Variants in C3orf70 observed in about 807,000 individuals in gnomAD.
The protein encoded by C3orf70 is chromosome 3 open reading frame 70.
C3orf70 carries 15 observed loss-of-function variants against 20.7 expected under a neutral mutation model. The observed-to-expected ratio is 0.72, with a 90% CI of 0.48 to 1.11. The LOEUF (loss-of-function observed/expected upper bound fraction) is 1.11, where lower values mean the gene tolerates loss of function less well. Ranked by LOEUF, C3orf70 falls within the 50% of genes most tolerant of loss-of-function variation. The pLI is 0.00. For synonymous variants in C3orf70, 161 were observed against 125.7 expected (o/e 1.28, Z -1.88); for missense variants, 332 against 317.6 (o/e 1.05, Z -0.34).
chr3:185,098,657 G>A (rs1715759382), intron 1 of C3orf70, among the ~76,000 whole-genome samples: 1 of 152,166 alleles, frequency 6.6e-6, no homozygotes, highest in African/African-American at 2.4e-5. Flanking sequence ...CATACTGTCT[G>A]AGAACTAATT....
chr3:185,110,191 A>C (rs1263118136), intron 1 of C3orf70, among the ~76,000 whole-genome samples: 2 of 152,244 alleles, frequency 1.3e-5, no homozygotes, highest in Non-Finnish European at 2.9e-5. Context: ...ATAAGATCAA[A>C]ATTTGGTAAA....
chr3:185,086,098 A>G lies in C3orf70; in HGVS notation c.197-2535T>C, dbSNP rs564238694. Among the ~76,000 whole-genome samples the G allele has an allele frequency of 3.3e-5, 5 of 152,298 alleles. No individual in the cohort carries two copies. In the South Asian group the frequency reaches 1.0e-3, roughly 32 times the overall value. On this transcript the variant is annotated intron_variant, in intron 1 of 1. Transcript: ENST00000335012. Reference sequence around the variant, plus strand: ...TCGTAGTTGATTCATGCCTTCCAGAACCATCCTCAGATCCAGAGGGAACAA... The same window carrying G: ...TCGTAGTTGATTCATGCCTTCCAGAGCCATCCTCAGATCCAGAGGGAACAA...
chr3:185,092,170 C>T (rs1715605531), intron 1 of C3orf70, among the ~76,000 whole-genome samples: 2 of 151,652 alleles, frequency 1.3e-5, no homozygotes, highest in Admixed American at 6.6e-5. Flanking sequence ...ATGATATCTA[C>T]TTCAGAAGGT....
rs140662239 is a variant in C3orf70, at chr3:185,126,799, C to T, written c.196+25829G>A. On this transcript the variant is annotated intron_variant, in intron 1 of 1. Coordinates refer to ENST00000335012, the MANE Select transcript of C3orf70 (RefSeq NM_001025266.3). ...CACATGGCCCTTCTAAGAGTGGGAC[C>T]TCTCCAATCGCACAGTTGTATGGCC... Among the ~76,000 whole-genome samples, 1,026 of 152,302 alleles carry T rather than the reference C, an allele frequency of 6.7e-3. 5 individuals carry two copies. Among genetic ancestry groups the T allele is most frequent in the Non-Finnish European group, 0.01 (707 of 68,026 alleles).
chr3:185,119,328 T>C (rs1351403353), intron 1 of C3orf70, among the ~76,000 whole-genome samples: 1 of 152,162 alleles, frequency 6.6e-6, no homozygotes, highest in South Asian at 2.1e-4. Flanking sequence ...CTATAGTTAA[T>C]AATAATATGT....
intron 1 of C3orf70, among the ~76,000 whole-genome samples, chr3:185,128,526 GA>G (rs779479424): frequency 0.026 from 3,245 of 123,490 alleles, 116 homozygotes; most frequent in African/African-American, 0.091. Flanking sequence ...GACTGTTTCG[GA>G]AAAAAAAAAA....
Position 185,083,195 on chromosome 3 carries a change from C to G in C3orf70, c.565G>C (p.Asp189His). The G allele has an allele frequency of 1.9e-6, 3 of 1,614,164 alleles. No homozygotes were observed. Among genetic ancestry groups the G allele is most frequent in the Non-Finnish European group, 2.5e-6 (3 of 1,180,038 alleles). Residue 189 changes from aspartate (D) to histidine (H), a missense_variant, in exon 2 of 2, where the codon GAC becomes CAC. Coordinates refer to ENST00000335012, the MANE Select transcript of C3orf70 (RefSeq NM_001025266.3). Reference sequence around the variant, plus strand: ...GCCCCAATCGCATTGATCCCAGAGTCCTCAGAACTTGAGGGAGAAGAGCAG... The same window carrying G: ...GCCCCAATCGCATTGATCCCAGAGTGCTCAGAACTTGAGGGAGAAGAGCAG... ...DHCSSPSSSE[D>H]SGINAIGAHY...
At chr3:185,093,044 A>G (rs1051045224) in intron 1 of C3orf70, among the ~76,000 whole-genome samples, 3 of 151,946 alleles carry the variant, frequency 2.0e-5, no homozygotes, top group Non-Finnish European at 2.9e-5. Context: ...AGTATCCCTT[A>G]TCTGAAATGC....
intron 1 of C3orf70, among the ~76,000 whole-genome samples, chr3:185,152,352 T>C (rs1490777911): frequency 6.6e-6 from 1 of 152,184 alleles, no homozygotes; most frequent in Non-Finnish European, 1.5e-5. Context: ...AGATTCCCGC[T>C]TCCCTGGGAC....
chr3:185,089,341 T>A (rs1476916345), intron 1 of C3orf70, among the ~76,000 whole-genome samples: 1 of 152,228 alleles, frequency 6.6e-6, no homozygotes, highest in Non-Finnish European at 1.5e-5. Context: ...TTTATTTTGT[T>A]ACTTATATTG....
chr3:185,140,179 T>C (rs930409753), intron 1 of C3orf70, among the ~76,000 whole-genome samples: 9 of 152,216 alleles, frequency 5.9e-5, no homozygotes, highest in African/African-American at 2.2e-4. Context: ...AACCCAGTCA[T>C]ACGTGGACTC....
chr3:185,104,817 A>T (rs375195105), intron 1 of C3orf70, among the ~76,000 whole-genome samples: 1 of 152,204 alleles, frequency 6.6e-6, no homozygotes, highest in African/African-American at 2.4e-5. Flanking sequence ...GCATACCAGA[A>T]GGTGGAGGGT....
intron 1 of C3orf70, among the ~76,000 whole-genome samples, chr3:185,118,826 G>A (rs1226960267): frequency 1.3e-5 from 2 of 152,080 alleles, no homozygotes; most frequent in East Asian, 1.9e-4. Flanking sequence ...TGTACTCTAC[G>A]CAAGTTAAGT....
intron 1 of C3orf70, among the ~76,000 whole-genome samples, chr3:185,091,943 AT>A (rs1197977899): frequency 3.7e-4 from 3 of 8,018 alleles, no homozygotes; most frequent in African/African-American, 7.5e-4. Flanking sequence ...ATATATATAT[AT>A]ATATATATAT....
intron 1 of C3orf70, among the ~76,000 whole-genome samples, chr3:185,090,950 C>T (rs991420700): frequency 5.3e-5 from 8 of 151,996 alleles, no homozygotes; most frequent in African/African-American, 1.9e-4. Context: ...TTTAGTGTGG[C>T]GGAACATATT....
At chr3:185,104,316 A>G (rs1409782939) in intron 1 of C3orf70, among the ~76,000 whole-genome samples, 1 of 152,232 alleles carries the variant, frequency 6.6e-6, no homozygotes, top group East Asian at 1.9e-4. Context: ...TTAAAAAGTC[A>G]AAGAATAACA....
rs549733513 is a variant in C3orf70, at chr3:185,105,918, G to A, written c.197-22355C>T. On this transcript the variant is annotated intron_variant, in intron 1 of 1. Transcript: ENST00000335012. The stretch of plus-strand genomic sequence containing the variant: ...CACCTTGGAACTTTTTCACACTGAT[G>A]ATGAGGAGGAAGGAGAGTATAGCAA... Among the ~76,000 whole-genome samples the A allele has an allele frequency of 3.3e-5, 5 of 152,266 alleles. No individual in the cohort carries two copies. The South Asian group carries it at 8.3e-4, about 25-fold the overall frequency.
At chr3:185,109,393 T>C (rs1276889820) in intron 1 of C3orf70, among the ~76,000 whole-genome samples, 1 of 152,180 alleles carries the variant, frequency 6.6e-6, no homozygotes, top group Non-Finnish European at 1.5e-5. Flanking sequence ...TCAAGACACC[T>C]GAAACTTTAT....
intron 1 of C3orf70, among the ~76,000 whole-genome samples, chr3:185,143,275 T>C (rs982898125): frequency 7.2e-5 from 11 of 152,132 alleles, no homozygotes. Context: ...GAAGAGAGTG[T>C]GTAGTCAGAA....
Sources: gnomAD v4.1 joint callset for allele counts (sites outside exome capture counted in the v4.1 genomes callset) on GRCh38, gnomAD v4.1.1 for gene constraint, MANE v1.5 for transcripts, NCBI Gene and HGNC (gene_info 2026-07-23, HGNC 2026-07-21) for gene names.